The following ARHGAP12 variants were observed in gnomAD, a reference collection of about 807,000 sequenced individuals.
ARHGAP12 encodes Rho GTPase activating protein 12.
In ARHGAP12, 64 loss-of-function variants were observed where a neutral mutation model predicts 108.6. The observed-to-expected ratio is 0.59, with a 90% CI of 0.48 to 0.73. The LOEUF (loss-of-function observed/expected upper bound fraction) is 0.73. Among genes scored for constraint, ARHGAP12 ranks in the 30% least tolerant of loss-of-function variants. ARHGAP12 has a pLI of 0.00. For missense variants in ARHGAP12, 940 were observed against 1,005.9 expected (o/e 0.93, Z 0.89); for synonymous variants, 312 against 337.2 (o/e 0.93, Z 0.82).
chr10:31,823,135 G>C (rs755587293), intron 11 of ARHGAP12, among the ~76,000 whole-genome samples: 4 of 152,040 alleles, frequency 2.6e-5, no homozygotes, highest in Non-Finnish European at 5.9e-5. Context: ...CCACTACTAC[G>C]TAAGCTTTGA....
At chr10:31,825,305 T>C (rs962070859) in intron 11 of ARHGAP12, among the ~76,000 whole-genome samples, 2 of 152,118 alleles carry the variant, frequency 1.3e-5, no homozygotes, top group African/African-American at 2.4e-5. Context: ...TTTTCTTTCA[T>C]CAAACATAAG....
Position 31,805,630 on chromosome 10 carries a change from A to G in ARHGAP12, c.*2028T>C, listed in dbSNP as rs1277280510. On this transcript the variant is annotated 3_prime_UTR_variant, in exon 20 of 20. Coordinates refer to ENST00000344936, the MANE Select transcript of ARHGAP12 (RefSeq NM_018287.7). The stretch of plus-strand genomic sequence containing the variant: ...ACAATAAACTGATTAGCTGTAGACT[A>G]ATAAAACATTTAAGACTTCACACAC... 6.9e-6 allele frequency: 1 copy of G among 145,774 alleles called. No homozygotes were observed. Among genetic ancestry groups the G allele is most frequent in the Admixed American group, 7.1e-5 (1 of 14,050 alleles). The allele number at this position is 145,774 out of a possible 1,614,324, so 9.0% of individuals were successfully genotyped here. A position where few individuals can be genotyped will look rare whatever the true frequency, so the allele number is the denominator to read the frequency against.
intron 1 of ARHGAP12, among the ~76,000 whole-genome samples, chr10:31,925,930 AT>A (rs1840017114): frequency 1.3e-5 from 2 of 152,254 alleles, no homozygotes; most frequent in Non-Finnish European, 2.9e-5. Context: ...GATATTGTGA[AT>A]ATACTAAGTA....
At chr10:31,901,638 AAC>A (rs1838932346) in intron 3 of ARHGAP12, among the ~76,000 whole-genome samples, 1 of 152,106 alleles carries the variant, frequency 6.6e-6, no homozygotes, top group Non-Finnish European at 1.5e-5. Flanking sequence ...GAATCTGTAA[AAC>A]TAAAGTTACT....
At chr10:31,828,358 T>C (rs1181541975) in intron 10 of ARHGAP12, among the ~76,000 whole-genome samples, 2 of 152,142 alleles carry the variant, frequency 1.3e-5, no homozygotes, top group Non-Finnish European at 2.9e-5. Context: ...TTTACTGATA[T>C]TGATATTATA....
intron 9 of ARHGAP12, among the ~76,000 whole-genome samples, chr10:31,837,435 A>G (rs1222820596): frequency 6.6e-6 from 1 of 152,254 alleles, no homozygotes; most frequent in Non-Finnish European, 1.5e-5. Flanking sequence ...TTAGGAATTT[A>G]AAACCTGGTA....
chr10:31,856,003 A>G (rs1006144678), intron 4 of ARHGAP12, among the ~76,000 whole-genome samples: 1 of 152,124 alleles, frequency 6.6e-6, no homozygotes, highest in East Asian at 1.9e-4. Context: ...TCTATACCTA[A>G]TAACTCCATT....
At chr10:31,831,603 T>TAA (rs942135386) in intron 10 of ARHGAP12, 136 bp downstream of exon 10, 7 of 532,108 alleles carry the variant, frequency 1.3e-5, no homozygotes, top group Admixed American at 1.2e-4. Context: ...ATGACAATCT[T>TAA]ACATATATGA....
At chr10:31,834,674 T>C (rs140696586) in intron 9 of ARHGAP12, among the ~76,000 whole-genome samples, 23 of 152,338 alleles carry the variant, frequency 1.5e-4, no homozygotes, top group African/African-American at 5.5e-4. Context: ...ACATCTGTTA[T>C]GTTCATCAAT....
intron 5 of ARHGAP12, among the ~76,000 whole-genome samples, chr10:31,853,252 C>T (rs1238738650): frequency 2.0e-5 from 3 of 152,116 alleles, no homozygotes; most frequent in Non-Finnish European, 4.4e-5. Flanking sequence ...GAGAAATTGA[C>T]AAAAGAGAAA....
intron 3 of ARHGAP12, among the ~76,000 whole-genome samples, chr10:31,870,230 CTT>C (rs567626260): frequency 2.2e-4 from 30 of 138,198 alleles, no homozygotes; most frequent in Non-Finnish European, 2.5e-4. Context: ...TAATTTCTGT[CTT>C]TTTTTTTTTT....
chr10:31,837,374 A>G lies in ARHGAP12; in HGVS notation c.1386+1931T>C, dbSNP rs75364516. ...TACCCAGTACTGTGCAAATAATGCA[A>G]AAGATAAGTAGATGCATGTAGTCTC... On this transcript the variant is annotated intron_variant, in intron 9 of 19. Transcript: ENST00000344936. Among the ~76,000 whole-genome samples, 1,434 of 152,312 alleles carry G rather than the reference A, an allele frequency of 9.4e-3. 31 individuals carry two copies. The highest frequency in any genetic ancestry group is 0.032 in the African/African-American group (1,348 of 41,562).
chr10:31,892,633 G>A (rs1439889964), intron 3 of ARHGAP12, among the ~76,000 whole-genome samples: 1 of 152,166 alleles, frequency 6.6e-6, no homozygotes, highest in South Asian at 2.1e-4. Flanking sequence ...AAGAGACTGA[G>A]ACTCCCACAC....
intron 1 of ARHGAP12, among the ~76,000 whole-genome samples, chr10:31,923,268 G>A (rs1162351855): frequency 1.3e-5 from 2 of 149,960 alleles, no homozygotes; most frequent in African/African-American, 4.9e-5. Context: ...CAAAAAGAAA[G>A]AAATGTCACC....
intron 3 of ARHGAP12, among the ~76,000 whole-genome samples, chr10:31,867,447 A>T (rs780861528): frequency 3.3e-4 from 50 of 152,200 alleles, no homozygotes; most frequent in Non-Finnish European, 6.5e-4. Flanking sequence ...TTCTTGGCAT[A>T]AAAAATACTT....
intron 3 of ARHGAP12, among the ~76,000 whole-genome samples, chr10:31,907,820 A>G (rs1839198180): frequency 6.6e-6 from 1 of 151,642 alleles, no homozygotes; most frequent in Admixed American, 6.5e-5. Context: ...GGGTACAGGT[A>G]AAAAAGAGTA....
chr10:31,879,334 C>T (rs976088718), intron 3 of ARHGAP12, among the ~76,000 whole-genome samples: 1 of 152,096 alleles, frequency 6.6e-6, no homozygotes, highest in Non-Finnish European at 1.5e-5. Context: ...ATTGCTTGTG[C>T]CTGGAAGGCA....
intron 1 of ARHGAP12, among the ~76,000 whole-genome samples, chr10:31,917,382 CCAACAGAG>C (rs959544589): frequency 6.6e-6 from 1 of 152,020 alleles, no homozygotes; most frequent in African/African-American, 2.4e-5. Flanking sequence ...CTCCAGCACT[CCAACAGAG>C]CAAGACTTAG....
At position 31,908,908 on chromosome 10, in the gene ARHGAP12, G is replaced by T; in HGVS notation, c.-53C>A. 1 of 1,452,382 alleles carries T rather than the reference G, an allele frequency of 6.9e-7. No homozygotes were observed. Among genetic ancestry groups the T allele is most frequent in the African/African-American group, 1.4e-5 (1 of 70,904 alleles). 90.0% of individuals were successfully genotyped at this position (1,452,382 alleles called of 1,614,324 possible). On this transcript the variant is annotated 5_prime_UTR_variant, in exon 3 of 20. Coordinates refer to ENST00000344936, the MANE Select transcript of ARHGAP12 (RefSeq NM_018287.7). Reference sequence around the variant, plus strand: ...TGTTATACCACATTATGGCTTTATGGCTTGTTGGATGAATATAGCTGTTTT... The same window carrying T: ...TGTTATACCACATTATGGCTTTATGTCTTGTTGGATGAATATAGCTGTTTT...
Sources: gnomAD v4.1 joint callset for allele counts (sites outside exome capture counted in the v4.1 genomes callset) on GRCh38, gnomAD v4.1.1 for gene constraint, MANE v1.5 for transcripts, NCBI Gene and HGNC (gene_info 2026-07-23, HGNC 2026-07-21) for gene names.